Variants in CELF2 observed in about 807,000 individuals in gnomAD.
CELF2 encodes the protein CUGBP Elav-like family member 2, also known as CUG triplet repeat RNA-binding protein 2.
CELF2 carries 8 observed loss-of-function variants against 62.6 expected under a neutral mutation model. That is an observed-to-expected ratio of 0.13 (90% CI 0.07 to 0.23). CELF2 has a LOEUF of 0.23. Ranked by LOEUF, CELF2 falls within the 10% of genes least tolerant of loss-of-function variation. The pLI is 1.00. For missense variants in CELF2, 333 were observed against 671.0 expected, an observed-to-expected ratio of 0.50 and a Z score of 5.56; for synonymous variants, 258 against 250.0, an observed-to-expected ratio of 1.03 and a Z score of -0.30.
At chr10:10,722,798 T>C in the CELF2 span, among the ~76,000 whole-genome samples, 1 of 152,172 alleles carries the variant, frequency 6.6e-6, no homozygotes, top group African/African-American at 2.4e-5. Flanking sequence ...ATCACTATAT[T>C]TCCAGAAGCT....
intron 1 of CELF2, chr10:11,096,347 C>T (rs1212075822): frequency 6.6e-6 from 1 of 152,194 alleles, no homozygotes; most frequent in Admixed American, 6.5e-5. Flanking sequence ...GGGAGTCCGT[C>T]GTTTTCCCCT....
chr10:10,583,094 T>C, the CELF2 span, among the ~76,000 whole-genome samples: 1 of 152,160 alleles, frequency 6.6e-6, no homozygotes, highest in African/African-American at 2.4e-5. Flanking sequence ...ACATAGGGGA[T>C]AATGAAAGCT....
At chr10:10,921,496 G>A (rs1190024676) in intron 2 of CELF2, among the ~76,000 whole-genome samples, 1 of 152,112 alleles carries the variant, frequency 6.6e-6, no homozygotes, top group Non-Finnish European at 1.5e-5. Flanking sequence ...TCGAACTCCT[G>A]ACCTCAGGTG....
chr10:11,169,405 C>T (rs555190128), intron 2 of CELF2, among the ~76,000 whole-genome samples: 3 of 152,216 alleles, frequency 2.0e-5, no homozygotes. Context: ...TTTACCAAAT[C>T]TTGAAAACAG....
chr10:10,792,225 T>C, the CELF2 span: 1 of 395,344 alleles, frequency 2.5e-6, no homozygotes, highest in Admixed American at 4.4e-5. Flanking sequence ...AATCAATATT[T>C]GTGTGCAGTG....
At chr10:10,991,724 G>T (rs1482651096) in intron 2 of CELF2, among the ~76,000 whole-genome samples, 1 of 152,066 alleles carries the variant, frequency 6.6e-6, no homozygotes, top group African/African-American at 2.4e-5. Flanking sequence ...CTTGAAAGAG[G>T]GAAGGAAATG....
intron 2 of CELF2, chr10:10,935,283 T>C (rs898904652): frequency 3.3e-5 from 5 of 152,202 alleles, no homozygotes; most frequent in African/African-American, 4.8e-5. Flanking sequence ...CCTATCCAAC[T>C]GCAACTTCCA....
rs559204028 is a variant in CELF2 at position 11,144,070 on chromosome 10, C to G, written c.75-21416C>G. The stretch of plus-strand genomic sequence containing the variant: ...TTCTTTTCATTTTTGGGTTCACTCT[C>G]TAGGCCTCTGGTTGGTTAATATGGA... On this transcript the variant is annotated intron_variant, in intron 1 of 12. Coordinates refer to ENST00000633077, the MANE Select transcript of CELF2 (RefSeq NM_001326342.2). Among the ~76,000 whole-genome samples the G allele has an allele frequency of 3.9e-5, 6 of 152,052 alleles. No individual in the cohort carries two copies. The South Asian group carries it at 1.2e-3, about 32-fold the overall frequency.
the CELF2 span, among the ~76,000 whole-genome samples, chr10:10,473,366 A>C: frequency 6.6e-6 from 1 of 152,006 alleles, no homozygotes; most frequent in Non-Finnish European, 1.5e-5. Context: ...CAGGCTTCAG[A>C]AAGAATGTGC....
At chr10:10,906,717 C>CTTTTTTTTTTTTTTT (rs397846553) in intron 1 of CELF2, among the ~76,000 whole-genome samples, 5 of 109,282 alleles carry the variant, frequency 4.6e-5, no homozygotes, top group Non-Finnish European at 6.9e-5. Flanking sequence ...TTTTTCTTTT[C>CTTTTTTTTTTTTTTT]TTTTTTTTTT....
chr10:10,821,558 T>C (rs1399519901), intron 1 of CELF2, among the ~76,000 whole-genome samples: 4 of 152,248 alleles, frequency 2.6e-5, no homozygotes, highest in African/African-American at 9.6e-5. Flanking sequence ...TCCATCATTC[T>C]ACTGAAATGT....
At chr10:10,867,559 T>G (rs2060467330) in intron 1 of CELF2, among the ~76,000 whole-genome samples, 1 of 152,202 alleles carries the variant, frequency 6.6e-6, no homozygotes, top group Non-Finnish European at 1.5e-5. Context: ...AACTTCTGCA[T>G]CATTTTTTCC....
the CELF2 span, among the ~76,000 whole-genome samples, chr10:10,754,308 C>A: frequency 1.3e-5 from 2 of 151,754 alleles, no homozygotes; most frequent in African/African-American, 4.8e-5. Flanking sequence ...CGATGCCTGG[C>A]CAATATTTTT....
At chr10:10,693,190 A>G in the CELF2 span, among the ~76,000 whole-genome samples, 1 of 112,456 alleles carries the variant, frequency 8.9e-6, no homozygotes, top group African/African-American at 3.5e-5. Flanking sequence ...TCCCATCAAT[A>G]CCTAATTTAT....
the CELF2 span, among the ~76,000 whole-genome samples, chr10:10,621,096 T>C: frequency 7.0e-6 from 1 of 142,702 alleles, no homozygotes; most frequent in Non-Finnish European, 1.5e-5. Flanking sequence ...TAATAATAAT[T>C]AGCCAGGCAT....
chr10:10,560,950 T>C, the CELF2 span, among the ~76,000 whole-genome samples: 2 of 150,910 alleles, frequency 1.3e-5, no homozygotes, highest in Non-Finnish European at 2.9e-5. Flanking sequence ...CTCACTGATA[T>C]GTGGGAGCTA....
chr10:10,571,386 C>G, the CELF2 span, among the ~76,000 whole-genome samples: 1 of 152,188 alleles, frequency 6.6e-6, no homozygotes, highest in African/African-American at 2.4e-5. Context: ...ATATTATGGA[C>G]TGTTGACAGT....
chr10:11,221,682 C>T (rs576400913), intron 3 of CELF2, among the ~76,000 whole-genome samples: 9 of 152,320 alleles, frequency 5.9e-5, no homozygotes, highest in African/African-American at 1.9e-4. Flanking sequence ...TAAATTTTAA[C>T]AGCAAGGAGG....
chr10:10,778,238 A>T, the CELF2 span, among the ~76,000 whole-genome samples: 1 of 152,228 alleles, frequency 6.6e-6, no homozygotes, highest in Non-Finnish European at 1.5e-5. Context: ...ATGACCCAAG[A>T]GAGGGACCTT....
Sources: allele counts gnomAD v4.1 joint callset (sites outside exome capture counted in the v4.1 genomes callset), GRCh38; gene constraint gnomAD v4.1.1; transcripts MANE v1.5; gene names NCBI Gene and HGNC (gene_info 2026-07-23, HGNC 2026-07-21).